Variants in PRDM15 observed in about 807,000 individuals in gnomAD.
PRDM15 encodes the protein PR/SET domain 15, also known as PR domain zinc finger protein 15.
Under a neutral mutation model 128.6 loss-of-function variants are expected in PRDM15, and 64 were observed. That is an observed-to-expected ratio of 0.50 (90% CI 0.41 to 0.61). PRDM15 has a LOEUF of 0.61. Ranked by LOEUF, PRDM15 falls within the 20% of genes least tolerant of loss-of-function variation. The pLI is 0.00. For missense variants in PRDM15, 1,242 were observed against 1,569.1 expected, an observed-to-expected ratio of 0.79 and a Z score of 3.52; for synonymous variants, 615 against 621.8, an observed-to-expected ratio of 0.99 and a Z score of 0.16.
chr21:41,857,619 G>A (rs2063677640), intron 3 of PRDM15, among the ~76,000 whole-genome samples: 1 of 152,160 alleles, frequency 6.6e-6, no homozygotes, highest in African/African-American at 2.4e-5. Flanking sequence ...ATATTAGCTG[G>A]ACATGGTGGC....
At chr21:41,829,573 A>G (rs1040488016) in intron 11 of PRDM15, among the ~76,000 whole-genome samples, 2 of 119,604 alleles carry the variant, frequency 1.7e-5, no homozygotes, top group Non-Finnish European at 3.6e-5. Context: ...ACAACCCACA[A>G]ACAGACATTC....
rs202202316 is a variant in PRDM15 at position 41,821,250 on chromosome 21, G to A, written c.1897-20C>T. 1 of 1,613,792 alleles carries A rather than the reference G, an allele frequency of 6.2e-7. No individual in the cohort carries two copies. Among genetic ancestry groups the A allele is most frequent in the East Asian group, 2.2e-5 (1 of 44,880 alleles). On this transcript the variant is annotated intron_variant, in intron 15 of 23. Transcript: ENST00000398548. This position sits in a 1 kb window ranked among gnomAD's most constrained non-coding sequence, Gnocchi z 5.4. ...GGTGAGCTGCGGGCCAGGTGGACAG[G>A]GCACTGCTGACACCCGCATGAGGTC...
intron 6 of PRDM15, among the ~76,000 whole-genome samples, chr21:41,840,378 G>A (rs9977311): frequency 0.54 from 80,760 of 150,504 alleles, 22,273 homozygotes; most frequent in Admixed American, 0.62. Context: ...CCCGGGAGGC[G>A]GAGCTTGCAG....
chr21:41,817,718 T>C (rs2062101084), intron 18 of PRDM15, among the ~76,000 whole-genome samples: 1 of 151,526 alleles, frequency 6.6e-6, no homozygotes, highest in African/African-American at 2.4e-5. Context: ...AAAAAAAAAA[T>C]AGCAAAGTAT....
chr21:41,836,329 T>A (rs4920101), intron 9 of PRDM15, 122 bp from the exon 10 acceptor site: 866,095 of 1,266,292 alleles, frequency 0.68, 298,566 homozygotes, highest in Admixed American at 0.76. Context: ...GCTGCAGAGA[T>A]GATCGCCCAC....
intron 22 of PRDM15, among the ~76,000 whole-genome samples, chr21:41,804,166 G>A (rs910161458): frequency 2.0e-5 from 3 of 152,152 alleles, no homozygotes; most frequent in Non-Finnish European, 2.9e-5. Context: ...GTTTTGCCAC[G>A]TTGGCCAGGC....
At position 41,859,448 on chromosome 21, in the gene PRDM15, A is replaced by T. The variant is rs115822215; in HGVS notation, c.131+144T>A. On this transcript the variant is annotated intron_variant, in intron 3 of 23. Coordinates refer to ENST00000398548, the MANE Select transcript of PRDM15 (RefSeq NM_001040424.3). This position sits in a 1 kb window ranked among gnomAD's most constrained non-coding sequence, Gnocchi z 5.3. ...CCGGCAGCAACGCTGCTCAGTTCAC[A>T]GTGGGAGCGGAATCGCTGGCTCTCA... The T allele has an allele frequency of 1.0e-3, 735 of 737,666 alleles. 6 individuals are homozygous for T. In the African/African-American group the frequency reaches 0.011, roughly 11 times the overall value. The allele number at this position is 737,666 out of a possible 1,614,324, so 45.7% of individuals were successfully genotyped here. A position where few individuals can be genotyped will look rare whatever the true frequency, so the allele number is the denominator to read the frequency against.
intron 11 of PRDM15, among the ~76,000 whole-genome samples, chr21:41,833,364 G>A (rs1013584502): frequency 2.0e-5 from 3 of 152,186 alleles, no homozygotes; most frequent in Non-Finnish European, 4.4e-5. Context: ...CCTCGAGAGA[G>A]GGTGACACAA....
chr21:41,831,652 C>A (rs1020632629), intron 11 of PRDM15, among the ~76,000 whole-genome samples: 2 of 152,198 alleles, frequency 1.3e-5, no homozygotes, highest in Non-Finnish European at 2.9e-5. Flanking sequence ...TGGCCGACAG[C>A]GAAGACAGGA....
intron 10 of PRDM15, among the ~76,000 whole-genome samples, chr21:41,835,735 C>T (rs2062852325): frequency 6.6e-6 from 1 of 152,126 alleles, no homozygotes; most frequent in African/African-American, 2.4e-5. Context: ...GAGCCCCACT[C>T]CAAGCACCAA....
In PRDM15 at chr21:41,800,881, T is replaced by C. The variant is rs1285586238; in HGVS notation, c.*359A>G. On this transcript the variant is annotated 3_prime_UTR_variant, in exon 24 of 24. Transcript: ENST00000398548. ...AACCATTTGTGTTCCTAATAACTTA[T>C]CTCCTGCCTCTTAAAATCCTGCTTC... 3 of 232,088 alleles carry C rather than the reference T, an allele frequency of 1.3e-5. No homozygotes were observed. The highest frequency in any genetic ancestry group is 5.4e-5 in the Admixed American group (1 of 18,424). 14.4% of individuals were successfully genotyped at this position (232,088 alleles called of 1,614,324 possible). A position where few individuals can be genotyped will look rare whatever the true frequency, so the allele number is the denominator to read the frequency against.
chr21:41,829,000 C>G lies in PRDM15; in HGVS notation c.1367-667G>C, dbSNP rs1048332672. 1.1e-3 allele frequency among the ~76,000 whole-genome samples: 158 copies of G among 150,320 alleles called. No individual in the cohort carries two copies. The highest frequency in any genetic ancestry group is 3.8e-3 in the African/African-American group (153 of 40,780). On this transcript the variant is annotated intron_variant, in intron 11 of 23. Coordinates refer to ENST00000398548, the MANE Select transcript of PRDM15 (RefSeq NM_001040424.3). This position sits in a 1 kb window ranked among gnomAD's most constrained non-coding sequence, Gnocchi z 5.7. ...CGCACACATGCCCCACACAAATACA[C>G]AACCACACACACCACATACACACTA...
intron 1 of PRDM15, among the ~76,000 whole-genome samples, chr21:41,865,088 C>G (rs536539173): frequency 7.1e-6 from 1 of 140,826 alleles, no homozygotes; most frequent in Non-Finnish European, 1.6e-5. Context: ...CCCCTGCTCA[C>G]TCCTCACTCC....
Position 41,861,540 on chromosome 21 carries a change from C to A in PRDM15, c.-9-1168G>T, listed in dbSNP as rs368129124. 8.3e-6 allele frequency: 13 copies of A among 1,564,034 alleles called. No individual in the cohort carries two copies. In the Admixed American group the frequency reaches 1.0e-4, roughly 13 times the overall value. ...AAATGATTATTCCTCCTCTGCCCCCCCCCAATCCCCAACTGTGCGCACCGG... is the reference window on the plus strand; with the variant it reads ...AAATGATTATTCCTCCTCTGCCCCCACCCAATCCCCAACTGTGCGCACCGG... On this transcript the variant is annotated intron_variant, in intron 1 of 23. Coordinates refer to ENST00000398548, the MANE Select transcript of PRDM15 (RefSeq NM_001040424.3).
At chr21:41,835,971 CCACTCTCCTCCCTCCCCCACAGCCCCCG>C in intron 10 of PRDM15, 114 bp downstream of exon 10, 4 of 325,196 alleles carry the variant, frequency 1.2e-5, no homozygotes, top group East Asian at 6.5e-5. Context: ...CAGCCCCCGC[CCACTCTCCTCCCTCCCCCACAGCCCCCG>C]CCCACTCTCC....
At chr21:41,817,856 T>A (rs2062105992) in intron 18 of PRDM15, among the ~76,000 whole-genome samples, 1 of 152,264 alleles carries the variant, frequency 6.6e-6, no homozygotes, top group Admixed American at 6.5e-5. Context: ...AATGCCAGCA[T>A]TTTATTTCAG....
At chr21:41,876,627 A>G (rs572567975) in intron 1 of PRDM15, among the ~76,000 whole-genome samples, 3 of 152,096 alleles carry the variant, frequency 2.0e-5, no homozygotes, top group Non-Finnish European at 4.4e-5. Context: ...CCTTAGGAGG[A>G]GCCTTTTGAG....
At chr21:41,864,282 G>C (rs1023654122) in intron 1 of PRDM15, among the ~76,000 whole-genome samples, 1 of 152,078 alleles carries the variant, frequency 6.6e-6, no homozygotes, top group African/African-American at 2.4e-5. Context: ...TATCTTACTA[G>C]AAAATTAACT....
At chr21:41,822,083 C>T (rs770097027) in intron 14 of PRDM15, 46 bp from the exon 15 acceptor site, 12 of 1,610,344 alleles carry the variant, frequency 7.5e-6, no homozygotes, top group African/African-American at 1.3e-5. Context: ...GCAGCAGACG[C>T]TTCACTCAGT....
Sources: gnomAD v4.1 joint callset for allele counts (sites outside exome capture counted in the v4.1 genomes callset) on GRCh38, gnomAD v4.1.1 for gene constraint, Gnocchi (gnomAD v3.1) non-coding constraint, MANE v1.5 for transcripts, NCBI Gene and HGNC (gene_info 2026-07-23, HGNC 2026-07-21) for gene names.